TSPAN4: variants seen among roughly 807,000 people sequenced by gnomAD.
The protein encoded by TSPAN4 is tetraspanin-4.
A neutral mutation model predicts 31.5 loss-of-function variants in TSPAN4; 38 were observed. The ratio of observed to expected loss-of-function variants is 1.21; its 90% CI spans 0.93 to 1.58. The LOEUF (loss-of-function observed/expected upper bound fraction) is 1.58, where lower values mean the gene tolerates loss of function less well. Ranked by LOEUF, TSPAN4 falls within the 40% of genes most tolerant of loss-of-function variation. The probability of loss-of-function intolerance (pLI) is 0.00; values close to 1 mark genes in which losing one functional copy is unlikely to be tolerated. For missense variants in TSPAN4, 330 were observed against 317.3 expected (o/e 1.04, Z -0.30); for synonymous variants, 186 against 144.6 (o/e 1.29, Z -2.06).
At chr11:857,696 C>G (rs990764124) in intron 3 of TSPAN4, 2 of 152,402 alleles carry the variant, frequency 1.3e-5, no homozygotes, top group Non-Finnish European at 1.5e-5. Flanking sequence ...AGCCACCACG[C>G]CCGGCCCCAG....
Position 848,773 on chromosome 11 carries a change from G to A in TSPAN4, c.-18+1473G>A, listed in dbSNP as rs1480463726. ...CACGTGCTGATATCTTCCCAACACC[G>A]CAGGGCCCTTGTGCCCTGTGGTGGG... is the stretch of plus-strand genomic sequence containing the variant. On this transcript the variant is annotated intron_variant, in intron 2 of 8. Coordinates refer to ENST00000397397, the MANE Select transcript of TSPAN4 (RefSeq NM_003271.5). The surrounding 1 kb of genome is among the most constrained non-coding windows in gnomAD (Gnocchi z 5.7). 5 of 544,284 alleles carry A rather than the reference G, an allele frequency of 9.2e-6. No individual in the cohort carries two copies. Among genetic ancestry groups the A allele is most frequent in the African/African-American group, 1.9e-5 (1 of 51,574 alleles). 33.7% of individuals were successfully genotyped at this position (544,284 alleles called of 1,614,324 possible).
intron 5 of TSPAN4, 55 bp downstream of exon 5, chr11:864,566 T>C: frequency 6.3e-7 from 1 of 1,598,126 alleles, no homozygotes; most frequent in Non-Finnish European, 8.5e-7. Context: ...CCATCCTCAC[T>C]CCCAGGGAGC....
chr11:858,899 C>T (rs1381623292), intron 3 of TSPAN4, among the ~76,000 whole-genome samples: 8 of 133,798 alleles, frequency 6.0e-5, no homozygotes, highest in African/African-American at 1.4e-4. Context: ...CACGCATCCC[C>T]GCTCACACGC....
chr11:854,286 G>A (rs558057506), intron 3 of TSPAN4, among the ~76,000 whole-genome samples: 5 of 152,302 alleles, frequency 3.3e-5, no homozygotes, highest in South Asian at 4.1e-4. Context: ...AGCTCCGGCC[G>A]TCTCCGCACT....
At position 862,620 on chromosome 11, in the gene TSPAN4, C is replaced by G; in HGVS notation, c.134C>G (p.Ser45Cys). The G allele has an allele frequency of 1.9e-6, 3 of 1,613,322 alleles. No homozygotes were observed. Among genetic ancestry groups the G allele is most frequent in the Non-Finnish European group, 2.5e-6 (3 of 1,179,878 alleles). Residue 45 changes from serine to cysteine, a missense_variant, in exon 4 of 9, where the codon TCC becomes TGC. Ser to Cys is a moderately radical substitution (Grantham distance 112). Coordinates refer to ENST00000397397, the MANE Select transcript of TSPAN4 (RefSeq NM_003271.5). ...ACACAGGGGAGCTTCGCCACGCTGT[C>G]CTCTTCCTTCCCGTCCCTGTCGGCT... ...AATQGSFATLSSSFPSLSAAN... is the reference protein window; with the variant it reads ...AATQGSFATLCSSFPSLSAAN...
chr11:854,533 G>T (rs374500747), intron 3 of TSPAN4, among the ~76,000 whole-genome samples: 1 of 152,154 alleles, frequency 6.6e-6, no homozygotes, highest in Non-Finnish European at 1.5e-5. Context: ...CAGGTGGGCA[G>T]TGTGAGTCTC....
chr11:856,843 C>G (rs1195590394), intron 3 of TSPAN4: 1 of 152,262 alleles, frequency 6.6e-6, no homozygotes, highest in Non-Finnish European at 1.5e-5. Context: ...ATTTTCCTGC[C>G]AAAATGTTTT....
intron 1 of TSPAN4, chr11:843,361 C>T (rs1847082469): frequency 6.6e-6 from 1 of 152,122 alleles, no homozygotes; most frequent in Non-Finnish European, 1.5e-5. Context: ...GCTCTGCTGG[C>T]TGCTCGCCGT....
intron 3 of TSPAN4, among the ~76,000 whole-genome samples, chr11:859,988 G>C (rs1848363177): frequency 6.6e-6 from 1 of 152,220 alleles, no homozygotes; most frequent in Non-Finnish European, 1.5e-5. Flanking sequence ...CAGCTCCCCT[G>C]TGCGCTGTGC....
At position 862,551 on chromosome 11, in the gene TSPAN4, T is replaced by C; in HGVS notation, c.65T>C (p.Leu22Pro). ...GTCTCTCCTGTTGCTGTGCCCCAGC[T>C]GGGAGGCTGTGGCGTGCTGGGTGTC... Reference protein sequence around the residue: ...LMFAFNLLFWLGGCGVLGVGI... With the variant: ...LMFAFNLLFWPGGCGVLGVGI... The change falls in exon 4 of 9, where the codon CTG (leucine) becomes CCG (proline). Residue 22 changes from leucine to proline, a missense_variant and splice_region_variant. Leu to Pro is a moderately conservative substitution (Grantham distance 98). Coordinates refer to ENST00000397397, the MANE Select transcript of TSPAN4 (RefSeq NM_003271.5). The C allele has an allele frequency of 1.9e-6, 3 of 1,605,032 alleles. No homozygotes were observed. Among genetic ancestry groups the C allele is most frequent in the Non-Finnish European group, 2.5e-6 (3 of 1,176,714 alleles).
At chr11:850,038 T>C in intron 2 of TSPAN4, 1 of 259,554 alleles carries the variant, frequency 3.9e-6, no homozygotes, top group Non-Finnish European at 7.2e-6. Context: ...GATGCGCCGC[T>C]CCAGCACGGA....
intron 2 of TSPAN4, 55 bp from the exon 3 acceptor site, chr11:850,233 A>C: frequency 7.0e-7 from 1 of 1,432,916 alleles, no homozygotes; most frequent in South Asian, 1.2e-5. Flanking sequence ...CACGTCGCCC[A>C]AGGGCAACAA....
At chr11:858,759 C>T (rs28514969) in intron 3 of TSPAN4, 141,100 of 144,388 alleles carry the variant, frequency 0.98, 68,999 homozygotes, top group South Asian at 1. Context: ...CATTCACGCC[C>T]GCTCACACGC....
At chr11:862,317 G>A (rs756132467) in intron 3 of TSPAN4, 7 of 549,532 alleles carry the variant, frequency 1.3e-5, no homozygotes, top group Non-Finnish European at 2.2e-5. Flanking sequence ...CTCCCCGACT[G>A]TGGCCATGGA....
intron 2 of TSPAN4, among the ~76,000 whole-genome samples, chr11:849,369 G>C (rs1031289359): frequency 6.6e-5 from 10 of 152,328 alleles, no homozygotes; most frequent in East Asian, 1.9e-4. Flanking sequence ...CCCCAAGGGC[G>C]CCCGGGGCGG....
chr11:848,902 C>T lies in TSPAN4; in HGVS notation c.-17-1386C>T. 1 of 713,990 alleles carries T rather than the reference C, an allele frequency of 1.4e-6. No homozygotes were observed. The highest frequency in any genetic ancestry group is 2.6e-6 in the Non-Finnish European group (1 of 383,408). The allele number at this position is 713,990 out of a possible 1,614,324, so 44.2% of individuals were successfully genotyped here. ...TGTGCGCATCCGGCGTGATGACACC[C>T]AGGAGTGCAGGCACATCTGCGCACG... On this transcript the variant is annotated intron_variant, in intron 2 of 8. Coordinates refer to ENST00000397397, the MANE Select transcript of TSPAN4 (RefSeq NM_003271.5). The surrounding 1 kb of genome is among the most constrained non-coding windows in gnomAD (Gnocchi z 5.7).
chr11:851,851 C>T (rs1233497395), intron 3 of TSPAN4, among the ~76,000 whole-genome samples: 1 of 152,028 alleles, frequency 6.6e-6, no homozygotes, highest in Non-Finnish European at 1.5e-5. Flanking sequence ...GGAGGGGAAG[C>T]CCTCTCTCCT....
chr11:862,833 CA>C (rs1299491948), intron 4 of TSPAN4, 92 bp downstream of exon 4: 2 of 1,329,988 alleles, frequency 1.5e-6, no homozygotes, highest in Admixed American at 2.8e-5. Context: ...AGTGACCCCC[CA>C]GACGTGGGCA....
chr11:843,409 G>C (rs1050658544), intron 1 of TSPAN4: 1 of 152,248 alleles, frequency 6.6e-6, no homozygotes, highest in East Asian at 1.9e-4. Context: ...TCTGAGCACG[G>C]GGAGAGGGGA....
Sources: allele counts gnomAD v4.1 joint callset (sites outside exome capture counted in the v4.1 genomes callset), GRCh38; gene constraint gnomAD v4.1.1; non-coding constraint Gnocchi (gnomAD v3.1); transcripts MANE v1.5; gene names NCBI Gene and HGNC (gene_info 2026-07-23, HGNC 2026-07-21).